COL4A3: variants seen among roughly 807,000 people sequenced by gnomAD.
COL4A3 encodes collagen alpha-3(IV) chain.
In COL4A3, 135 loss-of-function variants were observed where a neutral mutation model predicts 217.4. The observed-to-expected ratio is 0.62, with a 90% CI of 0.54 to 0.72. COL4A3 has a LOEUF of 0.72. Among genes scored for constraint, COL4A3 ranks in the 30% least tolerant of loss-of-function variants. COL4A3 has a pLI of 0.00. For synonymous variants in COL4A3, 690 were observed against 736.3 expected (o/e 0.94, Z 1.02); for missense variants, 1,868 against 2,119.9 (o/e 0.88, Z 2.33).
At position 227,175,067 on chromosome 2, in the gene COL4A3, C is replaced by T. The variant is rs72971850; in HGVS notation, c.87+10254C>T. On this transcript the variant is annotated intron_variant, in intron 1 of 51. Transcript: ENST00000396578. The stretch of plus-strand genomic sequence containing the variant: ...AGGTGGTCAGGGAAGCAGACTGAGG[C>T]TGGACATGGTGACAACCTTGTGAAG... Among the ~76,000 whole-genome samples the T allele has an allele frequency of 9.0e-3, 1,371 of 152,278 alleles. 12 individuals carry two copies. The highest frequency in any genetic ancestry group is 0.029 in the South Asian group (141 of 4,828).
chr2:227,193,890 G>A (rs2066357801), intron 1 of COL4A3, among the ~76,000 whole-genome samples: 1 of 116,332 alleles, frequency 8.6e-6, no homozygotes, highest in South Asian at 3.4e-4. Flanking sequence ...GAGGGAGGAA[G>A]GAAGGAAGGA....
At chr2:227,280,411 A>G (rs755775447) in intron 29 of COL4A3, 29 bp from the exon 30 acceptor site, 2 of 1,613,248 alleles carry the variant, frequency 1.2e-6, no homozygotes, top group South Asian at 2.2e-5. Context: ...GAAGCACTAT[A>G]TAGTAATAAC....
chr2:227,239,902 A>C (rs2068920113), intron 2 of COL4A3, among the ~76,000 whole-genome samples: 1 of 152,132 alleles, frequency 6.6e-6, no homozygotes, highest in South Asian at 2.1e-4. Context: ...GGAGAAAGTC[A>C]AGTTTCTACA....
In COL4A3 at chr2:227,290,796, A is replaced by T; in HGVS notation, c.3120A>T (p.Arg1040Ser). 2 of 1,613,718 alleles carry T rather than the reference A, an allele frequency of 1.2e-6. No homozygotes were observed. Among genetic ancestry groups the T allele is most frequent in the South Asian group, 1.1e-5 (1 of 91,046 alleles). ...GTLGFPGRAGRPGLPGIHGLQ... is the reference protein window; with the variant it reads ...GTLGFPGRAGSPGLPGIHGLQ... ...TGGGATTCCCAGGTCGAGCAGGAAG[A>T]CCAGGCCTCCCAGGTATTCATGGTC... Residue 1040 changes from arginine to serine, a missense_variant, in exon 37 of 52, where the codon AGA becomes AGT. Arg to Ser is a moderately radical substitution (Grantham distance 110). This residue lies in a region of COL4A3 where 1,503 missense variants were observed against 1,786.1 expected (regional missense o/e 0.84). Transcript: ENST00000396578.
chr2:227,241,118 T>C (rs978124941), intron 3 of COL4A3, among the ~76,000 whole-genome samples: 16 of 152,208 alleles, frequency 1.1e-4, no homozygotes, highest in Non-Finnish European at 4.4e-5. Context: ...CACATTCTTA[T>C]CCTAAAGTCT....
At chr2:227,249,212 G>GTATATATATATATATGTATATATA (rs2069552506) in intron 9 of COL4A3, among the ~76,000 whole-genome samples, 4 of 33,216 alleles carry the variant, frequency 1.2e-4, no homozygotes, top group Non-Finnish European at 2.4e-4. Context: ...AAATTAGCTA[G>GTATATATATATATATGTATATATA]TATATATATA....
At chr2:227,186,209 C>G (rs768949627) in intron 1 of COL4A3, among the ~76,000 whole-genome samples, 2 of 152,188 alleles carry the variant, frequency 1.3e-5, no homozygotes, top group East Asian at 3.8e-4. Flanking sequence ...GCTTCTATCA[C>G]GCCCTCGATC....
chr2:227,165,263 C>G (rs566678267), intron 1 of COL4A3, among the ~76,000 whole-genome samples: 1 of 152,296 alleles, frequency 6.6e-6, no homozygotes, highest in African/African-American at 2.4e-5. Context: ...CACTTCCTAG[C>G]TGGGACGTCA....
intron 1 of COL4A3, among the ~76,000 whole-genome samples, chr2:227,194,329 TAAGA>T (rs1022500862): frequency 6.6e-6 from 1 of 152,126 alleles, no homozygotes; most frequent in African/African-American, 2.4e-5. Context: ...TTCCTGGATC[TAAGA>T]AAGAGAGTGG....
chr2:227,214,261 A>T (rs772555012), intron 1 of COL4A3, among the ~76,000 whole-genome samples: 5 of 152,214 alleles, frequency 3.3e-5, no homozygotes, highest in Non-Finnish European at 7.3e-5. Flanking sequence ...TTATTTATAT[A>T]TATTATACCT....
rs1559809762 is a variant in COL4A3, at chr2:227,193,743, GGGAGGGAAGGAAGGAAGGAAGGAAGGAA to G, written c.87+28934_87+28961del. 2.2e-4 allele frequency among the ~76,000 whole-genome samples: 6 copies of G among 27,314 alleles called. 1 individual carries two copies. Among genetic ancestry groups the G allele is most frequent in the South Asian group, 1.8e-3 (1 of 562 alleles). The allele number at this position is 27,314 out of a possible 152,430, so 17.9% of individuals were successfully genotyped here. A position where few individuals can be genotyped will look rare whatever the true frequency, so the allele number is the denominator to read the frequency against. ...AAAGAAAGAAGGAAGGAGGGAGGGA[GGGAGGGAAGGAAGGAAGGAAGGAAGGAA>G]GGAAGGAAGGAAGGAAGGAAGGAAG... is the stretch of plus-strand genomic sequence containing the variant. On this transcript the variant is annotated intron_variant, in intron 1 of 51. Coordinates refer to ENST00000396578, the MANE Select transcript of COL4A3 (RefSeq NM_000091.5).
At position 227,269,917 on chromosome 2, in the gene COL4A3, A is replaced by G; in HGVS notation, c.1512A>G (p.Gln504=). The change falls in exon 24 of 52, where the codon CAA becomes CAG. Residue 504 remains glutamine, a synonymous_variant. Transcript: ENST00000396578. ...TAATTCGTTGATTTGCAGGAAGACA[A>G]GGCGCAGCTGGCTTGAAAGGAAGCC... The part of the protein sequence containing the change: ...LHGVKGIPGR[Q]GAAGLKGSPG... 1 of 1,613,792 alleles carries G rather than the reference A, an allele frequency of 6.2e-7. No homozygotes were observed. The highest frequency in any genetic ancestry group is 8.5e-7 in the Non-Finnish European group (1 of 1,179,772).
chr2:227,199,666 A>G (rs1004088035), intron 1 of COL4A3, among the ~76,000 whole-genome samples: 1 of 152,194 alleles, frequency 6.6e-6, no homozygotes, highest in Non-Finnish European at 1.5e-5. Context: ...ATCACCTAAG[A>G]TCTTAAATAT....
chr2:227,202,880 CATATGTGTAT>C lies in COL4A3; in HGVS notation c.88-35063_88-35054del, dbSNP rs869235190. On this transcript the variant is annotated intron_variant, in intron 1 of 51. Coordinates refer to ENST00000396578, the MANE Select transcript of COL4A3 (RefSeq NM_000091.5). ...ATATATACATATATGTGTATATATA[CATATGTGTAT>C]ATATGTGTATATATGTGTATATATA... Among the ~76,000 whole-genome samples the C allele has an allele frequency of 7.9e-4, 15 of 19,010 alleles. 3 individuals carry two copies. The South Asian group carries it at 0.015, about 19-fold the overall frequency. 12.5% of individuals were successfully genotyped at this position (19,010 alleles called of 152,430 possible).
At chr2:227,241,121 T>C (rs1433692905) in intron 3 of COL4A3, among the ~76,000 whole-genome samples, 3 of 152,168 alleles carry the variant, frequency 2.0e-5, no homozygotes, top group African/African-American at 7.2e-5. Flanking sequence ...ATTCTTATCC[T>C]AAAGTCTGTG....
In COL4A3 at chr2:227,312,194, A is replaced by G. The variant is rs1452470713; in HGVS notation, c.*324A>G. ...AAGTTTGAATGCTGCAAGTTATGAA[A>G]TATTTGGCCCGCTGGATTCCCACAT... On this transcript the variant is annotated 3_prime_UTR_variant, in exon 52 of 52. Transcript: ENST00000396578. 2 of 276,326 alleles carry G rather than the reference A, an allele frequency of 7.2e-6. No individual in the cohort carries two copies. Among genetic ancestry groups the G allele is most frequent in the East Asian group, 1.8e-4 (2 of 10,816 alleles). 17.1% of individuals were successfully genotyped at this position (276,326 alleles called of 1,614,324 possible).
chr2:227,247,664 A>C (rs1559863415), intron 8 of COL4A3, 80 bp downstream of exon 8: 1 of 1,321,438 alleles, frequency 7.6e-7, no homozygotes, highest in Non-Finnish European at 1.1e-6. Context: ...AATGAGACTT[A>C]AGTCATTACA....
At chr2:227,241,135 C>T (rs569516226) in intron 3 of COL4A3, among the ~76,000 whole-genome samples, 37 of 152,280 alleles carry the variant, frequency 2.4e-4, no homozygotes, top group African/African-American at 8.7e-4. Context: ...GTCTGTGATA[C>T]AGCAAAGGGC....
At position 227,203,375 on chromosome 2, in the gene COL4A3, A is replaced by G. The variant is rs1460586452; in HGVS notation, c.88-34593A>G. Among the ~76,000 whole-genome samples the G allele has an allele frequency of 9.9e-4, 48 of 48,298 alleles. 18 individuals carry two copies. The highest frequency in any genetic ancestry group is 1.5e-3 in the Non-Finnish European group (40 of 26,592). 31.7% of individuals were successfully genotyped at this position (48,298 alleles called of 152,430 possible). ...TGTGTATATATACATATATGTGTAT[A>G]CATACATATATGTGTATATATGTGT... On this transcript the variant is annotated intron_variant, in intron 1 of 51. Coordinates refer to ENST00000396578, the MANE Select transcript of COL4A3 (RefSeq NM_000091.5).
Sources: allele counts gnomAD v4.1 joint callset (sites outside exome capture counted in the v4.1 genomes callset), GRCh38; gene constraint gnomAD v4.1.1; regional missense constraint gnomAD v4.1.1; transcripts MANE v1.5; gene names NCBI Gene and HGNC (gene_info 2026-07-23, HGNC 2026-07-21).